The following CCDC152 variants were observed in gnomAD, a reference collection of about 807,000 sequenced individuals.
The protein encoded by CCDC152 is coiled-coil domain-containing protein 152.
CCDC152 carries 37 observed loss-of-function variants against 38.1 expected under a neutral mutation model. That is an observed-to-expected ratio of 0.97 (90% CI 0.75 to 1.28). The LOEUF (loss-of-function observed/expected upper bound fraction) is 1.28, where lower values mean the gene tolerates loss of function less well. Ranked by LOEUF, CCDC152 falls within the 50% of genes most tolerant of loss-of-function variation. The pLI is 0.00. For synonymous variants in CCDC152, 83 were observed against 87.1 expected (o/e 0.95, Z 0.26); for missense variants, 259 against 292.1 (o/e 0.89, Z 0.83).
At chr5:42,764,707 T>C (rs1759602865) in intron 3 of CCDC152, among the ~76,000 whole-genome samples, 1 of 152,196 alleles carries the variant, frequency 6.6e-6, no homozygotes, top group African/African-American at 2.4e-5. Context: ...TGAAAAAGGA[T>C]TTGATAAAAT....
intron 3 of CCDC152, among the ~76,000 whole-genome samples, chr5:42,766,596 C>T (rs114358693): frequency 6.6e-6 from 1 of 151,312 alleles, no homozygotes; most frequent in Admixed American, 6.6e-5. Context: ...TGAATGAGAT[C>T]CTGCCATTTG....
intron 4 of CCDC152, among the ~76,000 whole-genome samples, chr5:42,778,628 G>C (rs1452289928): frequency 2.6e-5 from 4 of 151,970 alleles, no homozygotes; most frequent in African/African-American, 9.7e-5. Context: ...CTATCTAAAG[G>C]GTCACTAAAT....
chr5:42,796,383 G>C (rs1036972009), intron 6 of CCDC152, among the ~76,000 whole-genome samples: 1 of 152,038 alleles, frequency 6.6e-6, no homozygotes, highest in Non-Finnish European at 1.5e-5. Context: ...ACAGGAATAA[G>C]AAAGTTGGGA....
intron 2 of CCDC152, among the ~76,000 whole-genome samples, chr5:42,760,511 A>G (rs1759538925): frequency 6.6e-6 from 1 of 152,166 alleles, no homozygotes; most frequent in African/African-American, 2.4e-5. Context: ...CAAATGGTAG[A>G]CCAAACCCAC....
Position 42,801,172 on chromosome 5 carries a change from G to C in CCDC152, c.*1391G>C. 1 of 1,614,100 alleles carries C rather than the reference G, an allele frequency of 6.2e-7. No homozygotes were observed. Among genetic ancestry groups the C allele is most frequent in the Non-Finnish European group, 8.5e-7 (1 of 1,180,012 alleles). ...GGAGCAGGATGAGTAGGAGCATTTGGTGCTCCTGGTTGCTGATTCTCTGAA... is the reference window on the plus strand; with the variant it reads ...GGAGCAGGATGAGTAGGAGCATTTGCTGCTCCTGGTTGCTGATTCTCTGAA... On this transcript the variant is annotated 3_prime_UTR_variant, in exon 9 of 9. Transcript: ENST00000361970.
chr5:42,774,591 G>A (rs1021480732), intron 4 of CCDC152, among the ~76,000 whole-genome samples: 1 of 152,100 alleles, frequency 6.6e-6, no homozygotes, highest in African/African-American at 2.4e-5. Flanking sequence ...AAAGGGGAGA[G>A]GGACTAAGAA....
intron 4 of CCDC152, among the ~76,000 whole-genome samples, chr5:42,771,105 T>G (rs550026279): frequency 8.5e-5 from 13 of 152,328 alleles, no homozygotes; most frequent in African/African-American, 3.1e-4. Context: ...TTCTCTTTCC[T>G]AATTGCTCTA....
At chr5:42,758,966 T>C (rs1490433122) in intron 1 of CCDC152, among the ~76,000 whole-genome samples, 154 bp from the exon 2 acceptor site, 2 of 152,178 alleles carry the variant, frequency 1.3e-5, no homozygotes, top group Non-Finnish European at 2.9e-5. Context: ...ACTGTTAATA[T>C]TGGTTATAAC....
Position 42,801,245 on chromosome 5 carries a change from A to G in CCDC152, c.*1464A>G. Reference sequence around the variant, plus strand: ...GATGTCCATGATTGTGATGATGCTCATGATGGTAATGAGGCGATGGAGTTT... The same window carrying G: ...GATGTCCATGATTGTGATGATGCTCGTGATGGTAATGAGGCGATGGAGTTT... On this transcript the variant is annotated 3_prime_UTR_variant, in exon 9 of 9. Coordinates refer to ENST00000361970, the MANE Select transcript of CCDC152 (RefSeq NM_001134848.2). The G allele has an allele frequency of 1.9e-6, 3 of 1,614,182 alleles. No homozygotes were observed. The highest frequency in any genetic ancestry group is 8.5e-7 in the Non-Finnish European group (1 of 1,180,006).
In CCDC152 at chr5:42,799,674, CAAG is replaced by C. The variant is rs759351782; in HGVS notation, c.664_666del (p.Glu222del). 3 of 1,545,054 alleles carry C rather than the reference CAAG, an allele frequency of 1.9e-6. No individual in the cohort carries two copies. Among genetic ancestry groups the C allele is most frequent in the Non-Finnish European group, 1.7e-6 (2 of 1,144,132 alleles). On this transcript the variant is annotated inframe_deletion, in exon 9 of 9. Coordinates refer to ENST00000361970, the MANE Select transcript of CCDC152 (RefSeq NM_001134848.2). ...TTTCGTTTAGAAACTTCAGCATTTTCAAGAAGAAAAAAACAAGGAGATTGCAAT... is the reference window on the plus strand; with the variant it reads ...TTTCGTTTAGAAACTTCAGCATTTTCAAGAAAAAAACAAGGAGATTGCAAT...
chr5:42,782,970 C>T (rs867700038), intron 5 of CCDC152, among the ~76,000 whole-genome samples: 8 of 151,808 alleles, frequency 5.3e-5, no homozygotes, highest in East Asian at 1.9e-4. Context: ...CCCGGGTTCA[C>T]GCCATTCTCC....
Position 42,801,201 on chromosome 5 carries a change from TCACTG to T in CCDC152, c.*1422_*1426del. 1 of 1,614,182 alleles carries T rather than the reference TCACTG, an allele frequency of 6.2e-7. No individual in the cohort carries two copies. Among genetic ancestry groups the T allele is most frequent in the Non-Finnish European group, 8.5e-7 (1 of 1,180,034 alleles). Reference sequence around the variant, plus strand: ...TCCTGGTTGCTGATTCTCTGAAAGCTCACTGCTGCCAAGGTGCTGATGTCCATGAT... The same window carrying T: ...TCCTGGTTGCTGATTCTCTGAAAGCTCTGCCAAGGTGCTGATGTCCATGAT... On this transcript the variant is annotated 3_prime_UTR_variant, in exon 9 of 9. Transcript: ENST00000361970.
intron 6 of CCDC152, among the ~76,000 whole-genome samples, chr5:42,794,388 TA>T (rs1258499860): frequency 6.6e-6 from 1 of 152,184 alleles, no homozygotes; most frequent in African/African-American, 2.4e-5. Flanking sequence ...TTCTAGCAGC[TA>T]AAAAAAGAAA....
intron 3 of CCDC152, among the ~76,000 whole-genome samples, chr5:42,765,613 A>G (rs116162543): frequency 0.012 from 1,831 of 152,298 alleles, 40 homozygotes; most frequent in African/African-American, 0.042. Context: ...AAATCCACAC[A>G]TCTATAGTGA....
At chr5:42,759,064 TG>T in intron 1 of CCDC152, 55 bp from the exon 2 acceptor site, 1 of 1,222,990 alleles carries the variant, frequency 8.2e-7, no homozygotes, top group African/African-American at 1.5e-5. Context: ...AACACTATTG[TG>T]GTGCTTTAGA....
At chr5:42,768,543 C>T (rs1431453076) in intron 3 of CCDC152, among the ~76,000 whole-genome samples, 1 of 152,170 alleles carries the variant, frequency 6.6e-6, no homozygotes, top group East Asian at 1.9e-4. Flanking sequence ...TGCAATGAAA[C>T]TTCTATCTTC....
At chr5:42,774,386 G>T (rs1294471423) in intron 4 of CCDC152, among the ~76,000 whole-genome samples, 1 of 152,174 alleles carries the variant, frequency 6.6e-6, no homozygotes, top group East Asian at 1.9e-4. Context: ...GGCTGGAGGA[G>T]AAGAAAAGTA....
chr5:42,788,834 A>T (rs1759960257), intron 6 of CCDC152, among the ~76,000 whole-genome samples: 1 of 151,770 alleles, frequency 6.6e-6, no homozygotes, highest in African/African-American at 2.4e-5. Context: ...TTGTGCCTAC[A>T]TGGTCCTGTA....
chr5:42,780,426 T>C (rs924753354), intron 5 of CCDC152, among the ~76,000 whole-genome samples: 2 of 152,192 alleles, frequency 1.3e-5, no homozygotes, highest in Non-Finnish European at 2.9e-5. Context: ...TCTTTTCCTT[T>C]TTCCCTTTAT....
Sources: allele counts gnomAD v4.1 joint callset (sites outside exome capture counted in the v4.1 genomes callset), GRCh38; gene constraint gnomAD v4.1.1; transcripts MANE v1.5; gene names NCBI Gene and HGNC (gene_info 2026-07-23, HGNC 2026-07-21).